The following LACTBL1 variants were observed in gnomAD, a reference collection of about 807,000 sequenced individuals.
LACTBL1 encodes lactamase beta like 1, also known as beta-lactamase-like protein 1.
LACTBL1 carries 29 observed loss-of-function variants against 39.6 expected under a neutral mutation model. That is an observed-to-expected ratio of 0.73 (90% CI 0.55 to 1.00). LACTBL1 has a LOEUF of 1.00. Among genes scored for constraint, LACTBL1 ranks in the 50% least tolerant of loss-of-function variants. The pLI, the probability that LACTBL1 is intolerant of heterozygous loss-of-function variation, is 0.00. For synonymous variants in LACTBL1, 361 were observed against 360.7 expected (o/e 1.00, Z -0.01); for missense variants, 711 against 748.5 (o/e 0.95, Z 0.59).
chr1:22,970,677 G>A, the LACTBL1 span, among the ~76,000 whole-genome samples: 1 of 152,032 alleles, frequency 6.6e-6, no homozygotes, highest in Non-Finnish European at 1.5e-5. Context: ...AGGCATGCTG[G>A]CATGCACCTG....
intron 1 of LACTBL1, among the ~76,000 whole-genome samples, chr1:22,963,603 A>AG (rs902228401): frequency 1.3e-5 from 2 of 152,192 alleles, no homozygotes; most frequent in Non-Finnish European, 2.9e-5. Flanking sequence ...AGCCCCACTT[A>AG]GGACCCAGGC....
chr1:22,953,198 C>G (rs943729263), exon 6 of LACTBL1: 1 of 1,232,138 alleles, frequency 8.1e-7, no homozygotes, highest in East Asian at 3.2e-5. Flanking sequence ...CACGCGTCGC[C>G]GAGTGGCAGT....
chr1:22,970,809 CAA>C, the LACTBL1 span, among the ~76,000 whole-genome samples: 26 of 80,144 alleles, frequency 3.2e-4, no homozygotes, highest in African/African-American at 3.3e-4. Flanking sequence ...GACCCTGTCT[CAA>C]AAAAAAAAAA....
At chr1:22,955,340 C>T in exon 5 of LACTBL1, 18 of 1,550,526 alleles carry the variant, frequency 1.2e-5, no homozygotes, top group Non-Finnish European at 1.6e-5. Flanking sequence ...GGGTCCACTA[C>T]CAGCACATCG....
At chr1:22,966,671 C>T (rs1038788912), upstream of LACTBL1, among the ~76,000 whole-genome samples, 1 of 152,226 alleles carries the variant, frequency 6.6e-6, no homozygotes, top group Non-Finnish European at 1.5e-5. Context: ...CAGCTCTCTC[C>T]CCTCTACTTC....
chr1:22,956,693 A>C (rs1405361030), intron 4 of LACTBL1, among the ~76,000 whole-genome samples: 1 of 152,048 alleles, frequency 6.6e-6, no homozygotes, highest in East Asian at 1.9e-4. Context: ...ATCCCTCCGC[A>C]CCTGCCTTGC....
At chr1:22,953,105 G>A in exon 6 of LACTBL1, 4 of 1,229,940 alleles carry the variant, frequency 3.3e-6, no homozygotes, top group Non-Finnish European at 4.1e-6. Context: ...TTGAGGCCGG[G>A]CACGTCGAAG....
upstream of LACTBL1, chr1:22,965,408 G>C (rs1262426828): frequency 8.0e-6 from 10 of 1,253,530 alleles, no homozygotes; most frequent in East Asian, 3.1e-5. Flanking sequence ...CTTTCAGCAA[G>C]TTGGGCCACC....
Position 22,963,223 on chromosome 1 carries a change from G to T in LACTBL1, c.50-7C>A. ...TCCTCTGGTCCCAGGGAACCTGGAG[G>T]GAACATCACATGGTGAGGAGGGGAC... On this transcript the variant is annotated splice_polypyrimidine_tract_variant and splice_region_variant and intron_variant, in intron 1 of 5. Coordinates refer to ENST00000426928, the Ensembl canonical transcript of LACTBL1. 1 of 1,336,380 alleles carries T rather than the reference G, an allele frequency of 7.5e-7. No individual in the cohort carries two copies. Among genetic ancestry groups the T allele is most frequent in the South Asian group, 2.0e-5 (1 of 49,924 alleles). 82.8% of individuals were successfully genotyped at this position (1,336,380 alleles called of 1,614,324 possible).
the LACTBL1 span, among the ~76,000 whole-genome samples, chr1:22,970,415 C>G: frequency 6.6e-6 from 1 of 152,102 alleles, no homozygotes; most frequent in South Asian, 2.1e-4. Flanking sequence ...ATGATAGGAA[C>G]AGAAAACAAC....
exon 6 of LACTBL1, chr1:22,953,501 G>A: frequency 8.1e-7 from 1 of 1,232,546 alleles, no homozygotes; most frequent in South Asian, 4.0e-5. Flanking sequence ...ACCAGGTCGG[G>A]CCCGGGCGGC....
chr1:22,954,042 GC>G lies in LACTBL1; in HGVS notation c.660-19del. The G allele has an allele frequency of 6.6e-7, 1 of 1,510,334 alleles. No individual in the cohort carries two copies. The highest frequency in any genetic ancestry group is 8.9e-7 in the Non-Finnish European group (1 of 1,123,656). The allele number at this position is 1,510,334 out of a possible 1,614,324, so 93.6% of individuals were successfully genotyped here. ...AATGGCATCTGGAAGGAGAGCAGTGGCAAGTGGGACGGGGCCCTTCCTCACC... is the reference window on the plus strand; with the variant it reads ...AATGGCATCTGGAAGGAGAGCAGTGGAAGTGGGACGGGGCCCTTCCTCACC... On this transcript the variant is annotated intron_variant, in intron 5 of 5. Coordinates refer to ENST00000426928, the Ensembl canonical transcript of LACTBL1.
At chr1:22,959,360 A>T (rs146023410) in intron 3 of LACTBL1, among the ~76,000 whole-genome samples, 2 of 152,218 alleles carry the variant, frequency 1.3e-5, no homozygotes, top group Admixed American at 6.5e-5. Context: ...TGCTCAGTAC[A>T]TGTTAGCACA....
In LACTBL1 at chr1:22,955,868, G is replaced by A. The variant is rs1438303042; in HGVS notation, c.554-442C>T. Among the ~76,000 whole-genome samples the A allele has an allele frequency of 4.6e-5, 7 of 152,018 alleles. No homozygotes were observed. In the East Asian group the frequency reaches 1.4e-3, roughly 29 times the overall value. ...GCCTGAGGTCGGAGTTCAAGACCAC[G>A]CTGGCCAACATGGTGAAACCCCATC... On this transcript the variant is annotated intron_variant, in intron 4 of 5. Coordinates refer to ENST00000426928, the Ensembl canonical transcript of LACTBL1.
exon 6 of LACTBL1, chr1:22,953,868 G>A: frequency 6.5e-7 from 1 of 1,548,652 alleles, no homozygotes; most frequent in Non-Finnish European, 8.7e-7. Flanking sequence ...CCGCGGCCAG[G>A]CGCGCGCGCA....
At chr1:22,953,395 G>A in exon 6 of LACTBL1, 1 of 1,228,048 alleles carries the variant, frequency 8.1e-7, no homozygotes, top group Non-Finnish European at 1.0e-6. Flanking sequence ...GAAGTAGCCG[G>A]CGAAGGGGTG....
intron 3 of LACTBL1, among the ~76,000 whole-genome samples, 159 bp from the exon 6 acceptor site, chr1:22,959,079 G>C (rs1201566058): frequency 6.6e-6 from 1 of 152,222 alleles, no homozygotes; most frequent in African/African-American, 2.4e-5. Context: ...CTGTGGAGCT[G>C]CCTTTGGGAT....
chr1:22,971,090 T>C, the LACTBL1 span, among the ~76,000 whole-genome samples: 996 of 152,258 alleles, frequency 6.5e-3, 19 homozygotes, highest in African/African-American at 0.023. Context: ...AACTGGCACC[T>C]AAGGTGTAAC....
chr1:22,967,571 C>T (rs985149792), upstream of LACTBL1, among the ~76,000 whole-genome samples: 13 of 151,554 alleles, frequency 8.6e-5, no homozygotes, highest in Admixed American at 5.3e-4. Context: ...TATATATACA[C>T]ACACACACAC....
Sources: allele counts gnomAD v4.1 joint callset (sites outside exome capture counted in the v4.1 genomes callset), GRCh38; gene constraint gnomAD v4.1.1; transcripts MANE v1.5; gene names NCBI Gene and HGNC (gene_info 2026-07-23, HGNC 2026-07-21).